The following SYT14 variants were observed in gnomAD, a reference collection of about 807,000 sequenced individuals.
The protein encoded by SYT14 is synaptotagmin 14, also known as synaptotagmin-14.
Under a neutral mutation model 74.2 loss-of-function variants are expected in SYT14, and 32 were observed. That is an observed-to-expected ratio of 0.43 (90% CI 0.33 to 0.58). The LOEUF (loss-of-function observed/expected upper bound fraction) is 0.58, where lower values mean the gene tolerates loss of function less well. SYT14 is among the 20% of genes least tolerant of loss of function. The probability of loss-of-function intolerance (pLI) is 0.05; values close to 1 mark genes in which losing one functional copy is unlikely to be tolerated. For missense variants in SYT14, 791 were observed against 981.8 expected, an observed-to-expected ratio of 0.81 and a Z score of 2.60; for synonymous variants, 298 against 337.7, an observed-to-expected ratio of 0.88 and a Z score of 1.29.
chr1:209,990,549 G>GTATATATATATACGTATATATATGTA, intron 2 of SYT14, among the ~76,000 whole-genome samples: 3 of 56,900 alleles, frequency 5.3e-5, no homozygotes, highest in African/African-American at 1.1e-4. Flanking sequence ...GTATATATAT[G>GTATATATATATACGTATATATATGTA]TATATATATA....
intron 5 of SYT14, among the ~76,000 whole-genome samples, chr1:210,084,358 G>A (rs2081677291): frequency 6.6e-6 from 1 of 152,186 alleles, no homozygotes; most frequent in South Asian, 2.1e-4. Flanking sequence ...TTGACTTTGG[G>A]AGGAATATTC....
chr1:209,943,872 G>A (rs1031716381), intron 1 of SYT14, among the ~76,000 whole-genome samples: 1 of 152,032 alleles, frequency 6.6e-6, no homozygotes, highest in Non-Finnish European at 1.5e-5. Flanking sequence ...TGCATATTTT[G>A]TATGTATATA....
chr1:210,071,940 T>G (rs2081402654), intron 5 of SYT14, among the ~76,000 whole-genome samples: 1 of 151,890 alleles, frequency 6.6e-6, no homozygotes, highest in African/African-American at 2.4e-5. Context: ...TTCATATAAT[T>G]AGAAGTTTTT....
In SYT14 at chr1:210,000,466, G is replaced by A. The variant is rs868501860; in HGVS notation, c.-485-13167G>A. Among the ~76,000 whole-genome samples, 437 of 143,194 alleles carry A rather than the reference G, an allele frequency of 3.1e-3. 2 individuals carry two copies. The highest frequency in any genetic ancestry group is 0.01 in the African/African-American group (397 of 37,858). 93.9% of individuals were successfully genotyped at this position (143,194 alleles called of 152,430 possible). ...TTATTTTAGTCCTTTGTCCTCATAC[G>A]CACACACACACACACACACACACAC... On this transcript the variant is annotated intron_variant, in intron 2 of 9. Coordinates refer to ENST00000637265, the Ensembl canonical transcript of SYT14.
At chr1:210,160,861 T>C in exon 10 of SYT14, 2 of 1,614,030 alleles carry the variant, frequency 1.2e-6, no homozygotes, top group Non-Finnish European at 1.7e-6. Context: ...CTATTTCAGC[T>C]TTCTGATGTG....
chr1:210,145,562 G>A (rs1342732034), intron 7 of SYT14, among the ~76,000 whole-genome samples: 1 of 152,200 alleles, frequency 6.6e-6, no homozygotes, highest in Non-Finnish European at 1.5e-5. Context: ...GGGACTCACA[G>A]TCTAGTGGGA....
chr1:209,982,519 TA>T (rs2079504777), intron 2 of SYT14, among the ~76,000 whole-genome samples: 1 of 152,232 alleles, frequency 6.6e-6, no homozygotes, highest in Non-Finnish European at 1.5e-5. Context: ...AAATTTTTTT[TA>T]ATAACTCATT....
At chr1:210,126,231 CACTT>C (rs1196268429) in intron 7 of SYT14, among the ~76,000 whole-genome samples, 1 of 151,790 alleles carries the variant, frequency 6.6e-6, no homozygotes, top group East Asian at 1.9e-4. Context: ...AGGCAACATC[CACTT>C]ACTTTCTTCA....
At chr1:210,032,146 C>T (rs2080551003) in intron 5 of SYT14, among the ~76,000 whole-genome samples, 1 of 151,872 alleles carries the variant, frequency 6.6e-6, no homozygotes, top group African/African-American at 2.4e-5. Context: ...TCATTGGAAT[C>T]AACTGAAGAT....
rs185842808 is a variant in SYT14, at chr1:210,007,290, C to T, written c.-485-6343C>T. On this transcript the variant is annotated intron_variant, in intron 2 of 9. Transcript: ENST00000637265. ...TGGTGAGATATTGTACCTAGTGCCC[C>T]TTCTCACTTTGCAGTATGGTCTTTA... is the stretch of plus-strand genomic sequence containing the variant. Among the ~76,000 whole-genome samples, 564 of 151,930 alleles carry T rather than the reference C, an allele frequency of 3.7e-3. 4 individuals carry two copies. In the Middle Eastern group the frequency reaches 0.041, roughly 11 times the overall value.
chr1:210,048,795 C>A (rs2102369782), intron 5 of SYT14, among the ~76,000 whole-genome samples: 1 of 152,302 alleles, frequency 6.6e-6, no homozygotes, highest in Admixed American at 6.5e-5. Context: ...TGACACAAGT[C>A]AAGTCCCCTC....
exon 4 of SYT14, chr1:210,015,966 T>C: frequency 8.1e-7 from 1 of 1,231,790 alleles, no homozygotes; most frequent in East Asian, 3.2e-5. Flanking sequence ...GAAGAGAAAA[T>C]TCCATTATTG....
intron 7 of SYT14, among the ~76,000 whole-genome samples, chr1:210,146,492 G>C (rs1202816064): frequency 6.6e-6 from 1 of 152,028 alleles, no homozygotes; most frequent in Non-Finnish European, 1.5e-5. Context: ...ACAGTATAAT[G>C]GATACTGTTG....
intron 5 of SYT14, among the ~76,000 whole-genome samples, chr1:210,058,120 G>A (rs189174011): frequency 2.0e-5 from 3 of 152,230 alleles, no homozygotes; most frequent in Admixed American, 2.0e-4. Flanking sequence ...ACCGAAAGCT[G>A]GAATAAAGAG....
chr1:210,032,965 C>T (rs1288852451), intron 5 of SYT14, among the ~76,000 whole-genome samples: 8 of 151,390 alleles, frequency 5.3e-5, no homozygotes, highest in Non-Finnish European at 8.9e-5. Flanking sequence ...AGTTTTAATA[C>T]GGGACAGGAT....
chr1:210,166,550 A>AG (rs72504328), exon 10 of SYT14: 1 of 88,562 alleles, frequency 1.1e-5, no homozygotes, highest in Non-Finnish European at 2.7e-5. Context: ...TGGGTGACAC[A>AG]GAAGACCTTG....
intron 8 of SYT14, among the ~76,000 whole-genome samples, chr1:210,158,255 A>C (rs933412875): frequency 6.6e-6 from 1 of 152,296 alleles, no homozygotes; most frequent in Non-Finnish European, 1.5e-5. Flanking sequence ...GGCCTGGGGG[A>C]TAACTGAAAT....
rs568894303 is a variant in SYT14 at position 210,140,411 on chromosome 1, G to A, written c.2035-15310G>A. Among the ~76,000 whole-genome samples, 26 of 151,976 alleles carry A rather than the reference G, an allele frequency of 1.7e-4. No individual in the cohort carries two copies. The East Asian group carries it at 1.7e-3, about 10-fold the overall frequency. ...GAGTTCTTTACATATTCAGGAAATCGGTCCCTTATAAGATAAGTGATTTGA... is the reference window on the plus strand; with the variant it reads ...GAGTTCTTTACATATTCAGGAAATCAGTCCCTTATAAGATAAGTGATTTGA... On this transcript the variant is annotated intron_variant, in intron 7 of 9. Transcript: ENST00000637265.
intron 2 of SYT14, among the ~76,000 whole-genome samples, chr1:209,980,361 G>A (rs2079460479): frequency 6.6e-6 from 1 of 152,040 alleles, no homozygotes; most frequent in Non-Finnish European, 1.5e-5. Flanking sequence ...TTTGTGAGAT[G>A]GATAGATTGC....
Sources: gnomAD v4.1 joint callset for allele counts (sites outside exome capture counted in the v4.1 genomes callset) on GRCh38, gnomAD v4.1.1 for gene constraint, MANE v1.5 for transcripts, NCBI Gene and HGNC (gene_info 2026-07-23, HGNC 2026-07-21) for gene names.